Variants in RTN3 observed in about 807,000 individuals in gnomAD.
RTN3 encodes the protein reticulon 3.
A neutral mutation model predicts 77.8 loss-of-function variants in RTN3; 49 were observed. The ratio of observed to expected loss-of-function variants is 0.63; its 90% confidence interval spans 0.50 to 0.80. The LOEUF is 0.80. RTN3 is among the 30% of genes least tolerant of loss of function. The probability of loss-of-function intolerance (pLI) is 0.00; values close to 1 mark genes in which losing one functional copy is unlikely to be tolerated. For missense variants in RTN3, 1,236 were observed against 1,211.9 expected (o/e 1.02, Z -0.29); for synonymous variants, 464 against 446.9 (o/e 1.04, Z -0.48).
chr11:63,695,234 A>G (rs1590787929), intron 1 of RTN3, among the ~76,000 whole-genome samples: 1 of 152,260 alleles, frequency 6.6e-6, no homozygotes, highest in East Asian at 1.9e-4. Flanking sequence ...TTTTCCAACA[A>G]TAAATAAATT....
chr11:63,744,240 CAAAAAAAAAA>C (rs71468642), intron 3 of RTN3, among the ~76,000 whole-genome samples: 56 of 63,628 alleles, frequency 8.8e-4, no homozygotes, highest in South Asian at 2.0e-3. Context: ...GACTCTGTCT[CAAAAAAAAAA>C]AAAAAAAAAA....
At chr11:63,743,766 A>AG (rs2013626494) in intron 3 of RTN3, among the ~76,000 whole-genome samples, 1 of 151,878 alleles carries the variant, frequency 6.6e-6, no homozygotes, top group African/African-American at 2.4e-5. Flanking sequence ...GATACAAAAA[A>AG]TCAGCTGGGC....
At chr11:63,745,973 G>A (rs144208208) in intron 3 of RTN3, among the ~76,000 whole-genome samples, 4,401 of 152,250 alleles carry the variant, frequency 0.029, 88 homozygotes, top group Non-Finnish European at 0.046. Flanking sequence ...ACCATGCCTG[G>A]CTAATTTTTG....
intron 3 of RTN3, among the ~76,000 whole-genome samples, chr11:63,723,513 T>C (rs1282110775): frequency 2.0e-5 from 3 of 150,260 alleles, no homozygotes; most frequent in Non-Finnish European, 4.4e-5. Context: ...AACCTCCACC[T>C]CCAGGGTTCA....
intron 1 of RTN3, among the ~76,000 whole-genome samples, chr11:63,701,004 C>T (rs576537): frequency 1.3e-5 from 2 of 151,002 alleles, no homozygotes; most frequent in South Asian, 2.1e-4. Flanking sequence ...GCAGGAGAAT[C>T]GCATGAACCC....
At chr11:63,713,766 G>T (rs762347560) in intron 2 of RTN3, among the ~76,000 whole-genome samples, 91 of 152,204 alleles carry the variant, frequency 6.0e-4, no homozygotes, top group Non-Finnish European at 3.2e-4. Context: ...CATAATGAGA[G>T]TTTTGATGGC....
chr11:63,691,113 TC>T, intron 1 of RTN3, among the ~76,000 whole-genome samples: 1 of 147,572 alleles, frequency 6.8e-6, no homozygotes, highest in Non-Finnish European at 1.5e-5. Context: ...TATTGCTAAT[TC>T]TTTTTTTTTT....
chr11:63,745,420 G>C (rs1382875165), intron 3 of RTN3, among the ~76,000 whole-genome samples: 1 of 152,236 alleles, frequency 6.6e-6, no homozygotes, highest in Non-Finnish European at 1.5e-5. Flanking sequence ...AAAGGGAATA[G>C]AAAGTGATGA....
At chr11:63,723,589 A>T (rs548630513) in intron 3 of RTN3, among the ~76,000 whole-genome samples, 8 of 151,774 alleles carry the variant, frequency 5.3e-5, no homozygotes, top group Admixed American at 2.6e-4. Context: ...ACGCCCAGCT[A>T]ATTTTTTGTA....
At chr11:63,702,618 C>T (rs888926941) in intron 1 of RTN3, among the ~76,000 whole-genome samples, 1 of 151,326 alleles carries the variant, frequency 6.6e-6, no homozygotes, top group Non-Finnish European at 1.5e-5. Flanking sequence ...CCGGCCGTCC[C>T]TTTGTTACTT....
intron 2 of RTN3, among the ~76,000 whole-genome samples, chr11:63,712,208 A>C (rs1349395449): frequency 6.6e-6 from 1 of 152,220 alleles, no homozygotes; most frequent in Non-Finnish European, 1.5e-5. Context: ...TACCAGATGA[A>C]GGTGGTTACA....
chr11:63,689,041 TTTG>T (rs1941518360), intron 1 of RTN3, among the ~76,000 whole-genome samples: 1 of 152,186 alleles, frequency 6.6e-6, no homozygotes, highest in South Asian at 2.1e-4. Context: ...AATGTGCATA[TTTG>T]TTGTGTGCAC....
chr11:63,739,478 G>C (rs950972867), intron 3 of RTN3, among the ~76,000 whole-genome samples: 1 of 152,138 alleles, frequency 6.6e-6, no homozygotes, highest in East Asian at 1.9e-4. Flanking sequence ...TTAGCCCATT[G>C]CCTCACAATT....
At position 63,692,007 on chromosome 11, in the gene RTN3, C is replaced by A. The variant is rs1457909678; in HGVS notation, c.142+10229C>A. Among the ~76,000 whole-genome samples the A allele has an allele frequency of 3.9e-5, 6 of 152,096 alleles. No individual in the cohort carries two copies. The East Asian group carries it at 1.2e-3, about 29-fold the overall frequency. The stretch of plus-strand genomic sequence containing the variant: ...AATACCCTGTAATATCTGGCCTCAA[C>A]CTCCCCCTTTCTCACCTGGCTTCAA... On this transcript the variant is annotated intron_variant, in intron 1 of 8. Coordinates refer to ENST00000377819, the MANE Select transcript of RTN3 (RefSeq NM_001265589.2).
At position 63,724,173 on chromosome 11, in the gene RTN3, CTTTTTTTTTTTTT is replaced by C. The variant is rs958114305; in HGVS notation, c.2530+3156_2530+3168del. Reference sequence around the variant, plus strand: ...CCTAGCAATCTTGTTTTTAGGAATTCTTTTTTTTTTTTTTTTTTTTTTTTTTTGAGACAGAGTC... The same window carrying C: ...CCTAGCAATCTTGTTTTTAGGAATTCTTTTTTTTTTTTTTGAGACAGAGTC... On this transcript the variant is annotated intron_variant, in intron 3 of 8. Transcript: ENST00000377819. Among the ~76,000 whole-genome samples the C allele has an allele frequency of 1.3e-3, 112 of 85,454 alleles. 2 individuals carry two copies. In the South Asian group the frequency reaches 0.021, roughly 16 times the overall value. 56.1% of individuals were successfully genotyped at this position (85,454 alleles called of 152,430 possible). A position where few individuals can be genotyped will look rare whatever the true frequency, so the allele number is the denominator to read the frequency against.
At chr11:63,728,496 G>C (rs1486245862) in intron 3 of RTN3, among the ~76,000 whole-genome samples, 2 of 152,326 alleles carry the variant, frequency 1.3e-5, no homozygotes, top group East Asian at 3.9e-4. Context: ...GGCATGTGCA[G>C]GGCTTGGCAT....
intron 3 of RTN3, among the ~76,000 whole-genome samples, chr11:63,725,512 A>C (rs2012189147): frequency 6.6e-6 from 1 of 151,452 alleles, no homozygotes; most frequent in African/African-American, 2.4e-5. Context: ...GCAGTGGTGC[A>C]ATCTCCGCTC....
intron 1 of RTN3, among the ~76,000 whole-genome samples, chr11:63,702,322 G>GTTTTTTTTTTTTTTTTTTTTTTTTTT (rs536198212): frequency 7.0e-6 from 1 of 143,446 alleles, no homozygotes; most frequent in African/African-American, 2.6e-5. Context: ...TTGTTTTTTT[G>GTTTTTTTTTTTTTTTTTTTTTTTTTT]TTTTTTTTTT....
chr11:63,720,206 G>A lies in RTN3; in HGVS notation c.1704G>A (p.Gln568=). Residue 568 remains glutamine (Q), a synonymous_variant, in exon 3 of 9, where the codon CAG becomes CAA. Transcript: ENST00000377819. ...LVSDSELHQD[Q]PDILGRSPAS... ...GTGACTCTGAGCTGCATCAAGATCA[G>A]CCTGATATTCTTGGAAGGAGTCCAG... is the stretch of plus-strand genomic sequence containing the variant. 1.2e-6 allele frequency: 2 copies of A among 1,614,128 alleles called. No homozygotes were observed. The highest frequency in any genetic ancestry group is 1.1e-5 in the South Asian group (1 of 91,080).
Sources: allele counts gnomAD v4.1 joint callset (sites outside exome capture counted in the v4.1 genomes callset), GRCh38; gene constraint gnomAD v4.1.1; transcripts MANE v1.5; gene names NCBI Gene and HGNC (gene_info 2026-07-23, HGNC 2026-07-21).